The following VKORC1 variants were observed in gnomAD, a reference collection of about 807,000 sequenced individuals.
VKORC1 encodes the protein vitamin K epoxide reductase complex subunit 1.
VKORC1 carries 12 observed loss-of-function variants against 14.8 expected under a neutral mutation model. The observed-to-expected ratio is 0.81, with a 90% CI of 0.52 to 1.31. The LOEUF (loss-of-function observed/expected upper bound fraction) is 1.31, where lower values mean the gene tolerates loss of function less well. Among genes scored for constraint, VKORC1 ranks in the 50% most tolerant of loss-of-function variants. VKORC1 has a pLI of 0.00. For missense variants in VKORC1, 223 were observed against 215.3 expected, an observed-to-expected ratio of 1.04 and a Z score of -0.22; for synonymous variants, 94 against 92.5, an observed-to-expected ratio of 1.02 and a Z score of -0.09.
intron 1 of VKORC1, chr16:31,093,942 G>T: frequency 2.4e-6 from 1 of 418,698 alleles, no homozygotes; most frequent in Non-Finnish European, 4.3e-6. Context: ...GACTTCAAGT[G>T]ATCCATCCGC....
chr16:31,094,358 A>G, intron 1 of VKORC1, 199 bp downstream of exon 1: 1 of 1,612,866 alleles, frequency 6.2e-7, no homozygotes, highest in Non-Finnish European at 8.5e-7. Context: ...CCCAGTCCCC[A>G]GCACTGTCTG....
In VKORC1 at chr16:31,093,353, C is replaced by G; in HGVS notation, c.242G>C (p.Ser81Thr). ...GQDSILNQSN[S>T]IFGCIFYTLQ... The stretch of plus-strand genomic sequence containing the variant: ...TGTGTAGAAGATGCAACCGAATATG[C>G]TGTTGGATTGATTGAGGATGCTGTC... Residue 81 changes from serine to threonine, a missense_variant, in exon 2 of 3, where the codon AGC becomes ACC. Ser to Thr is a moderately conservative substitution (Grantham distance 58, BLOSUM62 1). Transcript: ENST00000394975. 1 of 1,614,132 alleles carries G rather than the reference C, an allele frequency of 6.2e-7. No individual in the cohort carries two copies. Among genetic ancestry groups the G allele is most frequent in the Non-Finnish European group, 8.5e-7 (1 of 1,180,034 alleles).
In VKORC1 at chr16:31,094,773, A is replaced by G. The variant is rs1231429584; in HGVS notation, c.-44T>C. 6.4e-7 allele frequency: 1 copy of G among 1,561,708 alleles called. No homozygotes were observed. The highest frequency in any genetic ancestry group is 8.6e-7 in the Non-Finnish European group (1 of 1,158,374). ...GAGGCGCCCGCGGAGAAAACCAGCC[A>G]CGGAGCAGGGGCCGGGCGGCGAATG... On this transcript the variant is annotated 5_prime_UTR_variant, in exon 1 of 3. Transcript: ENST00000394975.
intron 1 of VKORC1, 144 bp from the exon 2 acceptor site, chr16:31,093,565 A>G (rs1216510744): frequency 7.2e-6 from 11 of 1,533,938 alleles, no homozygotes; most frequent in Non-Finnish European, 8.8e-6. Context: ...AGGGTCGATG[A>G]TCTCCTGGCA....
At chr16:31,092,871 CA>C (rs144197331) in intron 2 of VKORC1, 193 of 767,408 alleles carry the variant, frequency 2.5e-4, no homozygotes, top group East Asian at 5.0e-4. Context: ...CCATCTCTAC[CA>C]AAAAAAAACA....
At position 31,094,699 on chromosome 16, in the gene VKORC1, C is replaced by T. The variant is rs547713296; in HGVS notation, c.31G>A (p.Val11Met). ...CCCGTCAGGCAAAGAGCGAGCCGCA[C>T]CCAGCCAGGGCTCCCCCAGGTGCTG... Reference protein sequence around the residue: MGSTWGSPGWVRLALCLTGLV... With the variant: MGSTWGSPGWMRLALCLTGLV... The change falls in exon 1 of 3, where the codon GTG becomes ATG. Residue 11 changes from valine to methionine, a missense_variant. Val to Met is a conservative substitution (Grantham distance 21, BLOSUM62 1). Coordinates refer to ENST00000394975, the MANE Select transcript of VKORC1 (RefSeq NM_024006.6). The T allele has an allele frequency of 6.2e-7, 1 of 1,608,656 alleles. No individual in the cohort carries two copies. Among genetic ancestry groups the T allele is most frequent in the Admixed American group, 1.7e-5 (1 of 59,672 alleles).
chr16:31,091,436 T>C, intron 2 of VKORC1, 94 bp from the exon 3 acceptor site: 1 of 1,544,298 alleles, frequency 6.5e-7, no homozygotes, highest in Non-Finnish European at 8.7e-7. Flanking sequence ...TGCCAGGAGC[T>C]GCTGGGAAGG....
intron 1 of VKORC1, 23 bp from the exon 2 acceptor site, chr16:31,093,444 T>G (rs1327020670): frequency 6.2e-7 from 1 of 1,613,918 alleles, no homozygotes; most frequent in African/African-American, 1.3e-5. Flanking sequence ...TGGGGTGGGG[T>G]GGAACCAGGT....
chr16:31,092,163 C>T (rs1431125908), intron 2 of VKORC1, among the ~76,000 whole-genome samples: 6 of 111,198 alleles, frequency 5.4e-5, no homozygotes, highest in African/African-American at 1.8e-4. Context: ...GGTGACAGAG[C>T]GAGACTATGT....
chr16:31,094,440 C>T (rs1376873753), intron 1 of VKORC1, 117 bp downstream of exon 1: 11 of 1,612,842 alleles, frequency 6.8e-6, no homozygotes, highest in Non-Finnish European at 9.3e-6. Context: ...AACGACCCCG[C>T]GAGCAGTCCA....
At position 31,091,174 on chromosome 16, in the gene VKORC1, C is replaced by G. The variant is rs199952041; in HGVS notation, c.452G>C (p.Arg151Pro). Residue 151 changes from arginine to proline, a missense_variant, in exon 3 of 3, where the codon CGG (arginine) becomes CCG (proline). Coordinates refer to ENST00000394975, the MANE Select transcript of VKORC1 (RefSeq NM_024006.6). ...CTTGCCCTGGGGTTCTTGGACCTTC[C>G]GGAAACTGAGCCACATCAGGCTCAC... ...INVSLMWLSF[R>P]KVQEPQGKAK... 8.7e-6 allele frequency: 14 copies of G among 1,613,948 alleles called. No homozygotes were observed. The Admixed American group carries it at 1.8e-4, about 21-fold the overall frequency.
At chr16:31,093,659 C>A in intron 1 of VKORC1, 1 of 712,262 alleles carries the variant, frequency 1.4e-6, no homozygotes, top group Non-Finnish European at 2.2e-6. Flanking sequence ...CGTGGCTACT[C>A]CGTAGGCCCT....
At chr16:31,092,176 C>CAA (rs35224256) in intron 2 of VKORC1, among the ~76,000 whole-genome samples, 990 of 37,112 alleles carry the variant, frequency 0.027, 156 homozygotes, top group African/African-American at 0.049. Context: ...GACTATGTCG[C>CAA]AAAAAAAAAA....
At chr16:31,093,105 G>A (rs2057300503) in intron 2 of VKORC1, among the ~76,000 whole-genome samples, 1 of 151,876 alleles carries the variant, frequency 6.6e-6, no homozygotes, top group African/African-American at 2.4e-5. Context: ...TGTCTTTAAG[G>A]GCCCTTCAGC....
chr16:31,093,697 C>CTATTT (rs1567421749), intron 1 of VKORC1: 2 of 38,852 alleles, frequency 5.1e-5, no homozygotes, highest in African/African-American at 9.8e-5. Context: ...TTAAGTAAGT[C>CTATTT]TCTTTTTTTT....
chr16:31,092,337 A>C (rs1426210946), intron 2 of VKORC1, among the ~76,000 whole-genome samples: 1 of 152,002 alleles, frequency 6.6e-6, no homozygotes, highest in Non-Finnish European at 1.5e-5. Flanking sequence ...TTAAAAAAAA[A>C]AAAAAAGAAG....
chr16:31,093,269 A>AGGGGC lies in VKORC1; in HGVS notation c.283+38_283+42dup, dbSNP rs759325539. On this transcript the variant is annotated intron_variant, in intron 2 of 2. Coordinates refer to ENST00000394975, the MANE Select transcript of VKORC1 (RefSeq NM_024006.6). ...GGGGCTGAGCTGACCAAGGGGGATG[A>AGGGGC]GGGGCGGGGCGGGGCGGGCAGGGAG... 1,201 of 1,006,606 alleles carry AGGGGC rather than the reference A, an allele frequency of 1.2e-3. 2 individuals carry two copies. Among genetic ancestry groups the AGGGGC allele is most frequent in the East Asian group, 6.5e-3 (61 of 9,354 alleles). The allele number at this position is 1,006,606 out of a possible 1,614,324, so 62.4% of individuals were successfully genotyped here. A position where few individuals can be genotyped will look rare whatever the true frequency, so the allele number is the denominator to read the frequency against.
intron 1 of VKORC1, chr16:31,093,637 A>C: frequency 8.4e-7 from 1 of 1,190,552 alleles, no homozygotes; most frequent in Non-Finnish European, 1.1e-6. Flanking sequence ...CTCTCCCCAG[A>C]CCAGGCCCGG....
chr16:31,092,631 G>T (rs1188697271), intron 2 of VKORC1, among the ~76,000 whole-genome samples: 5 of 152,240 alleles, frequency 3.3e-5, no homozygotes, highest in East Asian at 1.9e-4. Context: ...CCACTCCCTT[G>T]GTTCCTCTCT....
Sources: gnomAD v4.1 joint callset for allele counts (sites outside exome capture counted in the v4.1 genomes callset) on GRCh38, gnomAD v4.1.1 for gene constraint, MANE v1.5 for transcripts, NCBI Gene and HGNC (gene_info 2026-07-23, HGNC 2026-07-21) for gene names.